CDH1: variants seen among roughly 807,000 people sequenced by gnomAD.
CDH1 encodes the protein cadherin-1.
CDH1 carries 35 observed loss-of-function variants against 84.5 expected under a neutral mutation model. The ratio of observed to expected loss-of-function variants is 0.41; its 90% CI spans 0.32 to 0.55. The LOEUF (loss-of-function observed/expected upper bound fraction) is 0.55. CDH1 is among the 20% of genes least tolerant of loss of function. The probability of loss-of-function intolerance (pLI) is 0.19; values close to 1 mark genes in which losing one functional copy is unlikely to be tolerated. For missense variants in CDH1, 994 were observed against 1,126.6 expected, an observed-to-expected ratio of 0.88 and a Z score of 1.68; for synonymous variants, 417 against 439.0, an observed-to-expected ratio of 0.95 and a Z score of 0.63.
chr16:68,750,706 TG>T (rs369443007), intron 2 of CDH1, among the ~76,000 whole-genome samples: 2 of 149,902 alleles, frequency 1.3e-5, no homozygotes, highest in African/African-American at 4.9e-5. Flanking sequence ...TCTTTCTCCT[TG>T]GTTTTTTTTT....
intron 2 of CDH1, among the ~76,000 whole-genome samples, chr16:68,781,005 T>C (rs1959862629): frequency 6.6e-6 from 1 of 152,174 alleles, no homozygotes; most frequent in Admixed American, 6.5e-5. Flanking sequence ...TTGGGAAGAT[T>C]AAGGAGCTAC....
chr16:68,788,119 A>G (rs59209050), intron 2 of CDH1, among the ~76,000 whole-genome samples: 5,721 of 152,026 alleles, frequency 0.038, 351 homozygotes, highest in African/African-American at 0.13. Flanking sequence ...GAGCCACCGC[A>G]CCCAGCCTAC....
chr16:68,813,592 C>A, intron 9 of CDH1, 97 bp downstream of exon 9: 2 of 1,210,572 alleles, frequency 1.7e-6, no homozygotes, highest in Non-Finnish European at 2.5e-6. Flanking sequence ...TTCGCTTTGG[C>A]AGGGGGACAG....
At chr16:68,738,464 G>A in intron 2 of CDH1, 53 bp downstream of exon 2, 1 of 1,330,798 alleles carries the variant, frequency 7.5e-7, no homozygotes, top group South Asian at 1.3e-5. Context: ...GTTGGAAAGG[G>A]GCCGAGAAAT....
intron 1 of CDH1, 123 bp downstream of exon 1, chr16:68,737,586 G>A: frequency 3.3e-6 from 3 of 903,426 alleles, no homozygotes; most frequent in East Asian, 2.7e-5. Context: ...CGGGTCCTGA[G>A]GAGCGGAGCG....
At position 68,737,363 on chromosome 16, in the gene CDH1, G is replaced by GCCCGA. The variant is rs730881651; in HGVS notation, c.-45_-41dup. 3.5e-5 allele frequency: 52 copies of GCCCGA among 1,491,050 alleles called. No homozygotes were observed. The African/African-American group carries it at 5.6e-4, about 16-fold the overall frequency. The allele number at this position is 1,491,050 out of a possible 1,614,324, so 92.4% of individuals were successfully genotyped here. A position where few individuals can be genotyped will look rare whatever the true frequency, so the allele number is the denominator to read the frequency against. On this transcript the variant is annotated 5_prime_UTR_variant, in exon 1 of 16. Coordinates refer to ENST00000261769, the MANE Select transcript of CDH1 (RefSeq NM_004360.5). ...TCAGACTCCAGCCCGCTCCAGCCCGGCCCGACCCGACCGCACCCGGCGCCT... is the reference window on the plus strand; with the variant it reads ...TCAGACTCCAGCCCGCTCCAGCCCGGCCCGACCCGACCCGACCGCACCCGGCGCCT...
chr16:68,810,492 G>T, intron 6 of CDH1, 151 bp downstream of exon 6: 3 of 688,002 alleles, frequency 4.4e-6, no homozygotes, highest in Non-Finnish European at 7.9e-6. Context: ...TTATATGCAT[G>T]TGTGTAACAG....
In CDH1 at chr16:68,815,650, T is replaced by A. The variant is rs1331977824; in HGVS notation, c.1456T>A (p.Phe486Ile). The A allele has an allele frequency of 1.2e-6, 2 of 1,614,206 alleles. No individual in the cohort carries two copies. The highest frequency in any genetic ancestry group is 3.3e-5 in the Admixed American group (2 of 60,022). The change falls in exon 10 of 16, where the codon TTT (phenylalanine) becomes ATT (isoleucine). Residue 486 changes from phenylalanine (F) to isoleucine (I), a missense_variant. Coordinates refer to ENST00000261769, the MANE Select transcript of CDH1 (RefSeq NM_004360.5). ...GCTGGATGTGAATGAAGCCCCCATCTTTGTGCCTCCTGAAAAGAGAGTGGA... is the reference window on the plus strand; with the variant it reads ...GCTGGATGTGAATGAAGCCCCCATCATTGTGCCTCCTGAAAAGAGAGTGGA... ...DVLDVNEAPI[F>I]VPPEKRVEVS...
intron 3 of CDH1, among the ~76,000 whole-genome samples, chr16:68,803,070 G>A (rs573179360): frequency 2.0e-5 from 3 of 152,250 alleles, no homozygotes; most frequent in South Asian, 4.2e-4. Context: ...GCTTCCTACC[G>A]AAATGTCTCT....
chr16:68,824,525 C>G (rs1025344463), intron 13 of CDH1, among the ~76,000 whole-genome samples: 2 of 152,104 alleles, frequency 1.3e-5, no homozygotes, highest in Admixed American at 6.6e-5. Context: ...ATACCATTGG[C>G]CCAAACACAG....
At chr16:68,739,140 C>T (rs916654124) in intron 2 of CDH1, among the ~76,000 whole-genome samples, 5 of 151,486 alleles carry the variant, frequency 3.3e-5, no homozygotes, top group Admixed American at 1.3e-4. Context: ...TTAGGCTGGG[C>T]GCAGTGGCTA....
chr16:68,740,805 A>C (rs1210269212), intron 2 of CDH1, among the ~76,000 whole-genome samples: 1 of 152,098 alleles, frequency 6.6e-6, no homozygotes, highest in Non-Finnish European at 1.5e-5. Context: ...CTTCACTAGA[A>C]CGTTAGGAGG....
intron 2 of CDH1, among the ~76,000 whole-genome samples, chr16:68,750,987 G>T (rs1962871678): frequency 6.6e-6 from 1 of 152,120 alleles, no homozygotes; most frequent in Admixed American, 6.5e-5. Context: ...TTACAGGCAT[G>T]ACGCCCAGCT....
chr16:68,811,381 A>G (rs1436266743), intron 6 of CDH1, among the ~76,000 whole-genome samples: 1 of 141,764 alleles, frequency 7.1e-6, no homozygotes, highest in Non-Finnish European at 1.5e-5. Context: ...GGGCAACAGG[A>G]GCAAAACTCC....
rs142504528 is a variant in CDH1, at chr16:68,766,870, G to C, written c.163+28459G>C. ...AGCCTCCCGAGTAGCTGGGATTACA[G>C]GCACCCACCATCACGCCCGGCTGAT... On this transcript the variant is annotated intron_variant, in intron 2 of 15. Transcript: ENST00000261769. Among the ~76,000 whole-genome samples the C allele has an allele frequency of 1.6e-3, 244 of 152,018 alleles. 1 individual carries two copies. The highest frequency in any genetic ancestry group is 5.6e-3 in the African/African-American group (232 of 41,470).
At position 68,798,069 on chromosome 16, in the gene CDH1, ACT is replaced by A. The variant is rs1334432775; in HGVS notation, c.164-3598_164-3597del. 4.8e-5 allele frequency among the ~76,000 whole-genome samples: 7 copies of A among 144,354 alleles called. No individual in the cohort carries two copies. In the East Asian group the frequency reaches 8.1e-4, roughly 17 times the overall value. 94.7% of individuals were successfully genotyped at this position (144,354 alleles called of 152,430 possible). On this transcript the variant is annotated intron_variant, in intron 2 of 15. Coordinates refer to ENST00000261769, the MANE Select transcript of CDH1 (RefSeq NM_004360.5). ...ACTCCAGCCTGGGTGACAGAGTGAC[ACT>A]CTGTCTCAAAAAAAAAAAAGACTTT...
chr16:68,754,433 T>C (rs1408792214), intron 2 of CDH1, among the ~76,000 whole-genome samples: 1 of 152,186 alleles, frequency 6.6e-6, no homozygotes, highest in Non-Finnish European at 1.5e-5. Context: ...AAAGTATTTG[T>C]TGTTGTACTC....
intron 2 of CDH1, among the ~76,000 whole-genome samples, chr16:68,787,088 A>G (rs188150566): frequency 2.9e-4 from 44 of 152,344 alleles, no homozygotes; most frequent in Admixed American, 2.9e-3. Context: ...TTTTGGTGTC[A>G]GCCAGTGCTT....
rs1555514423 is a variant in CDH1 at position 68,801,744 on chromosome 16, G to C, written c.238G>C (p.Asp80His). The C allele has an allele frequency of 6.2e-7, 1 of 1,614,224 alleles. No individual in the cohort carries two copies. Among genetic ancestry groups the C allele is most frequent in the Non-Finnish European group, 8.5e-7 (1 of 1,180,038 alleles). ...SLDTRFKVGT[D>H]GVITVKRPLR... ...CGACACCCGATTCAAAGTGGGCACAGATGGTGTGATTACAGTCAAAAGGCC... is the reference window on the plus strand; with the variant it reads ...CGACACCCGATTCAAAGTGGGCACACATGGTGTGATTACAGTCAAAAGGCC... The change falls in exon 3 of 16, where the codon GAT (aspartate) becomes CAT (histidine). Residue 80 changes from aspartate (D) to histidine (H), a missense_variant. By Grantham distance (81) the Asp-to-His change is moderately conservative. This residue lies in a region of CDH1 where 203 missense variants were observed against 194.0 expected (regional missense o/e 1.05). Coordinates refer to ENST00000261769, the MANE Select transcript of CDH1 (RefSeq NM_004360.5).
Sources: allele counts gnomAD v4.1 joint callset (sites outside exome capture counted in the v4.1 genomes callset), GRCh38; gene constraint gnomAD v4.1.1; regional missense constraint gnomAD v4.1.1; transcripts MANE v1.5; gene names NCBI Gene and HGNC (gene_info 2026-07-23, HGNC 2026-07-21).